EVI5: variants seen among roughly 807,000 people sequenced by gnomAD.
EVI5 encodes the protein ecotropic viral integration site 5 protein homolog.
EVI5 carries 73 observed loss-of-function variants against 112.0 expected under a neutral mutation model. The observed-to-expected ratio is 0.65, with a 90% CI of 0.54 to 0.79. EVI5 has a LOEUF of 0.79. EVI5 is among the 30% of genes least tolerant of loss of function. The pLI is 0.00. For missense variants in EVI5, 900 were observed against 968.8 expected (o/e 0.93, Z 0.94); for synonymous variants, 305 against 319.9 (o/e 0.95, Z 0.50).
intron 2 of EVI5, among the ~76,000 whole-genome samples, chr1:92,712,565 T>A (rs979345429): frequency 6.6e-6 from 1 of 152,136 alleles, no homozygotes; most frequent in Admixed American, 6.5e-5. Flanking sequence ...TAATTAATTA[T>A]ACCATCAAAT....
chr1:92,623,924 G>T (rs1372858239), intron 16 of EVI5, among the ~76,000 whole-genome samples: 3 of 152,228 alleles, frequency 2.0e-5, no homozygotes, highest in African/African-American at 7.2e-5. Flanking sequence ...ACAGGGCAAT[G>T]CTATGAGTTT....
intron 19 of EVI5, among the ~76,000 whole-genome samples, chr1:92,553,784 C>G (rs1046573166): frequency 6.6e-6 from 1 of 152,138 alleles, no homozygotes; most frequent in Non-Finnish European, 1.5e-5. Context: ...GTTATACATT[C>G]TTTTAAATGG....
intron 13 of EVI5, among the ~76,000 whole-genome samples, chr1:92,644,897 C>CA (rs773785911): frequency 1.2e-4 from 18 of 152,176 alleles, no homozygotes; most frequent in Admixed American, 9.8e-4. Flanking sequence ...TCAATTACTT[C>CA]AAATTTGATA....
intron 19 of EVI5, among the ~76,000 whole-genome samples, chr1:92,551,036 C>CTT (rs1557767358): frequency 3.4e-5 from 2 of 59,312 alleles, no homozygotes; most frequent in African/African-American, 1.0e-4. Context: ...TTCTTTCTTT[C>CTT]TTTCTTTTTT....
At chr1:92,727,181 T>A (rs12743005) in intron 2 of EVI5, among the ~76,000 whole-genome samples, 29,940 of 152,116 alleles carry the variant, frequency 0.2, 3,484 homozygotes, top group Non-Finnish European at 0.26. Context: ...GAAAATATAT[T>A]AGTGGTTACC....
At chr1:92,589,574 G>A (rs912785045) in intron 18 of EVI5, among the ~76,000 whole-genome samples, 1 of 152,108 alleles carries the variant, frequency 6.6e-6, no homozygotes, top group East Asian at 1.9e-4. Flanking sequence ...GGGGAGGGGC[G>A]CCTGCCACTG....
At chr1:92,685,013 A>G (rs1443404909) in intron 9 of EVI5, among the ~76,000 whole-genome samples, 1 of 151,962 alleles carries the variant, frequency 6.6e-6, no homozygotes, top group African/African-American at 2.4e-5. Flanking sequence ...GAAGGTTAAC[A>G]AGGATATCCA....
At chr1:92,582,998 G>A (rs1394124195) in intron 18 of EVI5, among the ~76,000 whole-genome samples, 1 of 151,958 alleles carries the variant, frequency 6.6e-6, no homozygotes, top group Non-Finnish European at 1.5e-5. Context: ...ACATGCACAT[G>A]TACTTAATAT....
At chr1:92,635,557 A>G (rs775051294) in intron 14 of EVI5, among the ~76,000 whole-genome samples, 1 of 151,966 alleles carries the variant, frequency 6.6e-6, no homozygotes, top group Non-Finnish European at 1.5e-5. Flanking sequence ...GAGTGACCCG[A>G]TTTTCCAGGT....
intron 1 of EVI5, among the ~76,000 whole-genome samples, chr1:92,741,284 G>A (rs1454731718): frequency 6.6e-6 from 1 of 152,218 alleles, no homozygotes; most frequent in Admixed American, 6.5e-5. Context: ...GAATGAGCAA[G>A]ACCAAAGGTT....
intron 2 of EVI5, among the ~76,000 whole-genome samples, chr1:92,734,820 G>A (rs1472451477): frequency 1.3e-5 from 2 of 151,982 alleles, no homozygotes; most frequent in African/African-American, 2.4e-5. Flanking sequence ...ATAGTAATAA[G>A]AAAGCAAATA....
intron 9 of EVI5, among the ~76,000 whole-genome samples, chr1:92,681,063 C>T (rs1280291383): frequency 3.3e-5 from 5 of 152,134 alleles, no homozygotes; most frequent in Admixed American, 3.3e-4. Flanking sequence ...AAAATCTGAA[C>T]ATACACTGTG....
chr1:92,563,622 G>C lies in EVI5; in HGVS notation c.2166+20C>G. 7.5e-7 allele frequency: 1 copy of C among 1,330,084 alleles called. No homozygotes were observed. The highest frequency in any genetic ancestry group is 1.1e-6 in the Non-Finnish European group (1 of 935,186). 82.4% of individuals were successfully genotyped at this position (1,330,084 alleles called of 1,614,324 possible). Reference sequence around the variant, plus strand: ...AGGAAGGAAGAAAGCAATATGTGAAGATCAAAATTTATCACTTACCTCATG... The same window carrying C: ...AGGAAGGAAGAAAGCAATATGTGAACATCAAAATTTATCACTTACCTCATG... On this transcript the variant is annotated intron_variant, in intron 19 of 19. Coordinates refer to ENST00000684568, the MANE Select transcript of EVI5 (RefSeq NM_001350197.2).
At chr1:92,564,948 G>A (rs1314815780) in intron 18 of EVI5, among the ~76,000 whole-genome samples, 1 of 152,210 alleles carries the variant, frequency 6.6e-6, no homozygotes, top group Non-Finnish European at 1.5e-5. Flanking sequence ...CCAAAGTGCT[G>A]AGATTACAGC....
chr1:92,725,860 A>G (rs563344295), intron 2 of EVI5, among the ~76,000 whole-genome samples: 1 of 152,332 alleles, frequency 6.6e-6, no homozygotes, highest in East Asian at 1.9e-4. Context: ...AAAAGTTATT[A>G]TAACTGTATC....
At chr1:92,592,204 C>G (rs1041904458) in intron 18 of EVI5, among the ~76,000 whole-genome samples, 3 of 152,152 alleles carry the variant, frequency 2.0e-5, no homozygotes, top group African/African-American at 7.2e-5. Context: ...GACCTTGCCA[C>G]TGCACTCCGG....
At chr1:92,560,678 C>T (rs775758726) in intron 19 of EVI5, among the ~76,000 whole-genome samples, 4 of 152,066 alleles carry the variant, frequency 2.6e-5, no homozygotes, top group Non-Finnish European at 5.9e-5. Context: ...CCTCCTGCCT[C>T]GGCCACTGGA....
intron 1 of EVI5, among the ~76,000 whole-genome samples, chr1:92,740,651 T>A (rs1162866700): frequency 2.6e-5 from 4 of 152,220 alleles, no homozygotes; most frequent in African/African-American, 9.6e-5. Context: ...TATGTGTGTA[T>A]GTGTGTGTCT....
At chr1:92,693,990 G>C (rs1404300327) in intron 8 of EVI5, 91 bp from the exon 9 acceptor site, 4 of 819,336 alleles carry the variant, frequency 4.9e-6, no homozygotes, top group Non-Finnish European at 8.1e-6. Context: ...GGCTGGGCGT[G>C]GTGGCTCATG....
Sources: allele counts gnomAD v4.1 joint callset (sites outside exome capture counted in the v4.1 genomes callset), GRCh38; gene constraint gnomAD v4.1.1; transcripts MANE v1.5; gene names NCBI Gene and HGNC (gene_info 2026-07-23, HGNC 2026-07-21).